STRADA: variants seen among roughly 807,000 people sequenced by gnomAD.
STRADA encodes the protein STE20 related adaptor alpha, also known as STE20-related kinase adapter protein alpha.
Under a neutral mutation model 55.0 loss-of-function variants are expected in STRADA, and 26 were observed. That is an observed-to-expected ratio of 0.47 (90% CI 0.35 to 0.66). The LOEUF (loss-of-function observed/expected upper bound fraction) is 0.66. Among genes scored for constraint, STRADA ranks in the 30% least tolerant of loss-of-function variants. The pLI is 0.01. For missense variants in STRADA, 443 were observed against 549.7 expected, an observed-to-expected ratio of 0.81 and a Z score of 1.94; for synonymous variants, 197 against 210.9, an observed-to-expected ratio of 0.93 and a Z score of 0.57.
chr17:63,710,121 G>A (rs561530868), intron 8 of STRADA, among the ~76,000 whole-genome samples: 4 of 143,344 alleles, frequency 2.8e-5, no homozygotes, highest in African/African-American at 1.1e-4. Context: ...TGCAACCTCC[G>A]CCTCCCAGGT....
At chr17:63,718,572 T>C (rs1394511431) in intron 4 of STRADA, among the ~76,000 whole-genome samples, 2 of 152,232 alleles carry the variant, frequency 1.3e-5, no homozygotes, top group East Asian at 3.8e-4. Context: ...TGGGTTGCTT[T>C]CAGACCCAAA....
intron 10 of STRADA, chr17:63,704,786 C>T (rs2035969478): frequency 2.6e-6 from 4 of 1,534,396 alleles, no homozygotes; most frequent in East Asian, 2.4e-5. Flanking sequence ...CCTAGCCAGG[C>T]CAACGTGAAA....
At chr17:63,719,539 A>G (rs1168385314) in intron 4 of STRADA, among the ~76,000 whole-genome samples, 1 of 151,416 alleles carries the variant, frequency 6.6e-6, no homozygotes, top group African/African-American at 2.4e-5. Flanking sequence ...GCTGGAGTGC[A>G]ATGGCGCGAT....
intron 1 of STRADA, among the ~76,000 whole-genome samples, chr17:63,734,061 G>C (rs1003257404): frequency 1.3e-5 from 2 of 152,316 alleles, no homozygotes; most frequent in East Asian, 3.9e-4. Flanking sequence ...TACTGAACCT[G>C]AGGGTGTTCT....
At chr17:63,708,592 T>A (rs2036275726) in intron 8 of STRADA, among the ~76,000 whole-genome samples, 1 of 152,194 alleles carries the variant, frequency 6.6e-6, no homozygotes, top group African/African-American at 2.4e-5. Context: ...TGGAGTGCAA[T>A]GGCACGATCT....
rs1451039260 is a variant in STRADA, at chr17:63,710,803, G to C, written c.382C>G (p.Pro128Ala). Residue 128 changes from proline (P) to alanine (A), a missense_variant, in exon 7 of 13, where the codon CCC becomes GCC. By Grantham distance (27) the Pro-to-Ala change is conservative. Transcript: ENST00000336174. ...GTGGCTCGATATGGCACGATATTGG[G>C]ATGGTTGAAGAGTTTGGAGACATGC... Reference protein sequence around the residue: ...ELHVSKLFNHPNIVPYRATFI... With the variant: ...ELHVSKLFNHANIVPYRATFI... 1.9e-6 allele frequency: 3 copies of C among 1,614,218 alleles called. No individual in the cohort carries two copies. In the Admixed American group the frequency reaches 5.0e-5, roughly 27 times the overall value.
At chr17:63,740,086 C>CTG in intron 1 of STRADA, among the ~76,000 whole-genome samples, 1 of 41,524 alleles carries the variant, frequency 2.4e-5, no homozygotes, top group East Asian at 5.4e-4. Flanking sequence ...ACATTTAACA[C>CTG]TATATATATA....
At chr17:63,735,471 G>A (rs1171390037) in intron 1 of STRADA, among the ~76,000 whole-genome samples, 1 of 152,162 alleles carries the variant, frequency 6.6e-6, no homozygotes, top group African/African-American at 2.4e-5. Flanking sequence ...CCCTCTGATA[G>A]TGATGCTTAT....
chr17:63,719,908 A>G (rs985571997), intron 4 of STRADA, among the ~76,000 whole-genome samples: 3 of 152,208 alleles, frequency 2.0e-5, no homozygotes, highest in Admixed American at 1.3e-4. Flanking sequence ...GGAATGATTC[A>G]TTAAACTATC....
intron 8 of STRADA, among the ~76,000 whole-genome samples, chr17:63,708,220 G>A (rs544917227): frequency 8.6e-5 from 13 of 151,462 alleles, no homozygotes; most frequent in African/African-American, 3.2e-4. Context: ...TTGTTGTTGA[G>A]ACAGAGTCTC....
At chr17:63,734,496 T>C (rs1451393663) in intron 1 of STRADA, among the ~76,000 whole-genome samples, 2 of 151,862 alleles carry the variant, frequency 1.3e-5, no homozygotes, top group Admixed American at 6.6e-5. Context: ...ATACAAAAAT[T>C]AGCCGGGCAT....
At chr17:63,721,414 CA>C (rs34413372) in intron 4 of STRADA, among the ~76,000 whole-genome samples, 93,406 of 133,552 alleles carry the variant, frequency 0.7, 32,906 homozygotes, top group African/African-American at 0.91. Context: ...AGCTCCATCT[CA>C]AAAAAAAAAA....
At position 63,714,060 on chromosome 17, in the gene STRADA, C is replaced by T. The variant is rs371845914; in HGVS notation, c.172G>A (p.Val58Ile). 1 of 1,613,990 alleles carries T rather than the reference C, an allele frequency of 6.2e-7. No individual in the cohort carries two copies. ...ESIASFSKQE[V>I]MSSFLPEGGC... Reference sequence around the variant, plus strand: ...CCCTCTGGCAGAAAGCTACTCATGACCTCCTGTTTAGAGAAGGATGCTATT... The same window carrying T: ...CCCTCTGGCAGAAAGCTACTCATGATCTCCTGTTTAGAGAAGGATGCTATT... Residue 58 changes from valine (V) to isoleucine (I), a missense_variant, in exon 5 of 13, where the codon GTC (valine) becomes ATC (isoleucine). By Grantham distance (29) the Val-to-Ile change is conservative. Coordinates refer to ENST00000336174, the MANE Select transcript of STRADA (RefSeq NM_001003787.4).
chr17:63,713,633 A>C, intron 5 of STRADA, 106 bp from the exon 6 acceptor site: 1 of 1,434,708 alleles, frequency 7.0e-7, no homozygotes, highest in East Asian at 2.3e-5. Flanking sequence ...CTTAATGTTA[A>C]ATTTTTCACT....
chr17:63,726,527 G>A (rs1162815802), intron 3 of STRADA, 111 bp downstream of exon 3: 7 of 989,934 alleles, frequency 7.1e-6, no homozygotes, highest in Admixed American at 5.4e-5. Context: ...TCCAACAACT[G>A]TAGGTTACAC....
intron 9 of STRADA, 23 bp downstream of exon 9, chr17:63,707,224 C>T (rs751693567): frequency 6.2e-7 from 1 of 1,611,896 alleles, no homozygotes; most frequent in Non-Finnish European, 8.5e-7. Flanking sequence ...GGTAGGGGAG[C>T]TCCTCTGGGC....
intron 11 of STRADA, 128 bp downstream of exon 11, chr17:63,704,213 A>T (rs1284622517): frequency 6.5e-7 from 1 of 1,532,256 alleles, no homozygotes; most frequent in Non-Finnish European, 8.8e-7. Context: ...CCAGGAGCTG[A>T]TCCCTCCTGT....
At chr17:63,705,213 A>G in intron 10 of STRADA, 1 of 488,964 alleles carries the variant, frequency 2.0e-6, no homozygotes, top group Non-Finnish European at 3.7e-6. Context: ...CACTAACGTG[A>G]TAGCCACTAG....
At chr17:63,721,894 G>A (rs142770279) in intron 4 of STRADA, among the ~76,000 whole-genome samples, 90 of 152,212 alleles carry the variant, frequency 5.9e-4, no homozygotes, top group African/African-American at 1.9e-3. Flanking sequence ...GTATAGGTCC[G>A]AACTCAAAGA....
Sources: gnomAD v4.1 joint callset for allele counts (sites outside exome capture counted in the v4.1 genomes callset) on GRCh38, gnomAD v4.1.1 for gene constraint, MANE v1.5 for transcripts, NCBI Gene and HGNC (gene_info 2026-07-23, HGNC 2026-07-21) for gene names.